The following OSBPL10 variants were observed in gnomAD, a reference collection of about 807,000 sequenced individuals.
The protein encoded by OSBPL10 is oxysterol binding protein like 10, also known as oxysterol-binding protein-related protein 10.
A neutral mutation model predicts 81.7 loss-of-function variants in OSBPL10; 49 were observed. The ratio of observed to expected loss-of-function variants is 0.60; its 90% confidence interval spans 0.48 to 0.76. The LOEUF is 0.76. Ranked by LOEUF, OSBPL10 falls within the 30% of genes least tolerant of loss-of-function variation. The probability of loss-of-function intolerance (pLI) is 0.00; values close to 1 mark genes in which losing one functional copy is unlikely to be tolerated. For synonymous variants in OSBPL10, 419 were observed against 383.6 expected (o/e 1.09, Z -1.08); for missense variants, 923 against 987.8 (o/e 0.93, Z 0.88).
chr3:31,875,831 C>G (rs182444931), intron 3 of OSBPL10, among the ~76,000 whole-genome samples: 163 of 152,114 alleles, frequency 1.1e-3, no homozygotes, highest in African/African-American at 3.9e-3. Flanking sequence ...ATTTATTGCC[C>G]TAGATAAATG....
upstream of OSBPL10, among the ~76,000 whole-genome samples, chr3:31,982,834 T>C (rs568281523): frequency 1.3e-5 from 2 of 152,370 alleles, no homozygotes; most frequent in South Asian, 4.1e-4. Flanking sequence ...AAATATTTAC[T>C]GCCGCTTCCT....
At chr3:31,673,786 G>A (rs1450120268) in intron 8 of OSBPL10, among the ~76,000 whole-genome samples, 1 of 152,086 alleles carries the variant, frequency 6.6e-6, no homozygotes, top group Non-Finnish European at 1.5e-5. Flanking sequence ...TGTAATGCCA[G>A]GCAGCGAGGC....
At chr3:31,802,741 C>T (rs1275431780) in intron 4 of OSBPL10, among the ~76,000 whole-genome samples, 2 of 151,924 alleles carry the variant, frequency 1.3e-5, no homozygotes, top group Non-Finnish European at 2.9e-5. Context: ...TTCCTGCAAA[C>T]GGATCCTGAA....
At chr3:31,897,590 T>C (rs915794733) in intron 1 of OSBPL10, among the ~76,000 whole-genome samples, 8 of 152,138 alleles carry the variant, frequency 5.3e-5, no homozygotes, top group African/African-American at 1.9e-4. Context: ...GTAGATTCAT[T>C]ATAGTAAAAT....
chr3:31,864,299 G>A (rs1045024247), intron 3 of OSBPL10, among the ~76,000 whole-genome samples: 1 of 152,146 alleles, frequency 6.6e-6, no homozygotes, highest in African/African-American at 2.4e-5. Context: ...TTGGAATGCA[G>A]TGGTGCAATC....
intron 1 of OSBPL10, among the ~76,000 whole-genome samples, chr3:31,887,652 T>G (rs569608327): frequency 9.2e-5 from 14 of 152,182 alleles, no homozygotes; most frequent in Non-Finnish European, 1.5e-4. Context: ...CTCAAAAACC[T>G]TAAGAGGTTT....
intron 3 of OSBPL10, among the ~76,000 whole-genome samples, chr3:31,838,118 T>C (rs1481094291): frequency 1.3e-5 from 2 of 152,118 alleles, no homozygotes; most frequent in African/African-American, 2.4e-5. Flanking sequence ...CAGATACAAA[T>C]ATTAACAAAA....
chr3:31,683,100 A>G (rs891465112), intron 8 of OSBPL10, among the ~76,000 whole-genome samples: 9 of 152,244 alleles, frequency 5.9e-5, no homozygotes, highest in African/African-American at 2.2e-4. Context: ...AACTTCATTC[A>G]CAGCTATTTG....
intron 4 of OSBPL10, chr3:31,822,102 CAT>C (rs1699994413): frequency 6.6e-6 from 1 of 152,206 alleles, no homozygotes; most frequent in South Asian, 2.1e-4. Flanking sequence ...GGTGAGATGA[CAT>C]AAACACACAT....
chr3:31,764,183 TTAAAAAGAG>T (rs1698136324), intron 4 of OSBPL10, among the ~76,000 whole-genome samples: 1 of 152,242 alleles, frequency 6.6e-6, no homozygotes, highest in Non-Finnish European at 1.5e-5. Context: ...GCATGCACTT[TTAAAAAGAG>T]TACATGTAAG....
intron 4 of OSBPL10, among the ~76,000 whole-genome samples, chr3:31,807,636 G>C (rs1418665216): frequency 6.6e-6 from 1 of 151,838 alleles, no homozygotes; most frequent in African/African-American, 2.4e-5. Context: ...TACTTAGGAG[G>C]CTGAGGTGGG....
rs181919177 is a variant in OSBPL10 at position 31,678,966 on chromosome 3, G to A, written c.1726+4668C>T. Among the ~76,000 whole-genome samples the A allele has an allele frequency of 1.6e-4, 25 of 152,110 alleles. No individual in the cohort carries two copies. In the South Asian group the frequency reaches 4.8e-3, roughly 29 times the overall value. ...TGCTAAAATCATGTCTACCCTCAGCGACTCCCATCTCAGAGCAAACGGCAA... is the reference window on the plus strand; with the variant it reads ...TGCTAAAATCATGTCTACCCTCAGCAACTCCCATCTCAGAGCAAACGGCAA... On this transcript the variant is annotated intron_variant, in intron 8 of 11. Transcript: ENST00000396556.
intron 6 of OSBPL10, among the ~76,000 whole-genome samples, chr3:31,709,663 G>C (rs781759954): frequency 6.6e-6 from 1 of 152,192 alleles, no homozygotes; most frequent in African/African-American, 2.4e-5. Flanking sequence ...GGCAAATGAA[G>C]GGGTAGGCAA....
At chr3:31,918,324 CTTTTCTT>C (rs1012031599) in intron 1 of OSBPL10, among the ~76,000 whole-genome samples, 4 of 91,260 alleles carry the variant, frequency 4.4e-5, no homozygotes, top group Non-Finnish European at 6.9e-5. Context: ...GTTGTTTTTT[CTTTTCTT>C]TTTTTTTTTT....
In OSBPL10 at chr3:31,792,858, CTCTGTGTGTGTGTG is replaced by C. The variant is rs1175022672; in HGVS notation, c.729+37168_729+37181del. Among the ~76,000 whole-genome samples, 628 of 86,038 alleles carry C rather than the reference CTCTGTGTGTGTGTG, an allele frequency of 7.3e-3. 6 individuals are homozygous for C. Among genetic ancestry groups the C allele is most frequent in the African/African-American group, 0.024 (592 of 24,392 alleles). 56.4% of individuals were successfully genotyped at this position (86,038 alleles called of 152,430 possible). Reference sequence around the variant, plus strand: ...TTTTGCACTCTCAGCTATCTAGGCACTCTGTGTGTGTGTGTGTGTGTGTGTGTGTGTGTGTGTGT... The same window carrying C: ...TTTTGCACTCTCAGCTATCTAGGCACTGTGTGTGTGTGTGTGTGTGTGTGT... On this transcript the variant is annotated intron_variant, in intron 4 of 11. Transcript: ENST00000396556.
chr3:31,679,787 G>GC (rs1230654382), intron 8 of OSBPL10, among the ~76,000 whole-genome samples: 1 of 152,114 alleles, frequency 6.6e-6, no homozygotes, highest in Non-Finnish European at 1.5e-5. Context: ...CACGAGCCAA[G>GC]CCCAAAGCAA....
intron 3 of OSBPL10, among the ~76,000 whole-genome samples, chr3:31,866,535 G>A (rs941039441): frequency 2.0e-5 from 3 of 152,136 alleles, no homozygotes; most frequent in Admixed American, 6.5e-5. Flanking sequence ...ATTTCTCTAC[G>A]GCCTCCTTTC....
chr3:31,673,713 T>TA (rs1700383164), intron 8 of OSBPL10, among the ~76,000 whole-genome samples: 1 of 152,212 alleles, frequency 6.6e-6, no homozygotes, highest in Non-Finnish European at 1.5e-5. Context: ...AAGTGTTCAA[T>TA]AGAAACCGTG....
chr3:31,890,992 TACCC>T (rs1487080260), intron 1 of OSBPL10, among the ~76,000 whole-genome samples: 4 of 152,060 alleles, frequency 2.6e-5, no homozygotes, highest in African/African-American at 7.3e-5. Flanking sequence ...CCCAGTTTAG[TACCC>T]ACCAAGAGCA....
Sources: gnomAD v4.1 joint callset for allele counts (sites outside exome capture counted in the v4.1 genomes callset) on GRCh38, gnomAD v4.1.1 for gene constraint, MANE v1.5 for transcripts, NCBI Gene and HGNC (gene_info 2026-07-23, HGNC 2026-07-21) for gene names.